Variants in ADARB2 observed in about 807,000 individuals in gnomAD.
ADARB2 encodes adenosine deaminase RNA specific B2 (inactive), also known as inactive double-stranded RNA-specific editase B2.
ADARB2 carries 25 observed loss-of-function variants against 62.2 expected under a neutral mutation model. That is an observed-to-expected ratio of 0.40 (90% CI 0.29 to 0.56). The LOEUF (loss-of-function observed/expected upper bound fraction) is 0.56. ADARB2 is among the 20% of genes least tolerant of loss of function. The pLI, the probability that ADARB2 is intolerant of heterozygous loss-of-function variation, is 0.43. For synonymous variants in ADARB2, 572 were observed against 500.8 expected (o/e 1.14, Z -1.90); for missense variants, 1,071 against 1,077.4 (o/e 0.99, Z 0.08).
chr10:1,375,045 CCTT>C (rs1162900621), intron 2 of ADARB2, among the ~76,000 whole-genome samples: 1 of 152,130 alleles, frequency 6.6e-6, no homozygotes, highest in African/African-American at 2.4e-5. Context: ...AGAAGGGCCT[CCTT>C]CAAAGACTCG....
In ADARB2 at chr10:1,390,330, G is replaced by C. The variant is rs75697020; in HGVS notation, c.101-11170C>G. Among the ~76,000 whole-genome samples, 542 of 152,342 alleles carry C rather than the reference G, an allele frequency of 3.6e-3. 2 individuals carry two copies. The highest frequency in any genetic ancestry group is 6.0e-3 in the Non-Finnish European group (410 of 68,028). ...TGTAGATTGTGGGGAAGAGGCGGAA[G>C]TGGGCTTCTGCTGCTGAAATGAAAA... On this transcript the variant is annotated intron_variant, in intron 1 of 9. Coordinates refer to ENST00000381312, the MANE Select transcript of ADARB2 (RefSeq NM_018702.4).
At chr10:1,304,924 G>A (rs1393862120) in intron 3 of ADARB2, among the ~76,000 whole-genome samples, 2 of 131,476 alleles carry the variant, frequency 1.5e-5, no homozygotes, top group Non-Finnish European at 3.3e-5. Context: ...AGAGAAAGCA[G>A]GAAAGATCCA....
At chr10:1,591,431 G>A (rs113769477) in intron 1 of ADARB2, among the ~76,000 whole-genome samples, 5 of 152,176 alleles carry the variant, frequency 3.3e-5, no homozygotes, top group Non-Finnish European at 7.3e-5. Context: ...CATTATTGGC[G>A]AATGCCTGGA....
chr10:1,458,612 G>A (rs1428844754), intron 1 of ADARB2, among the ~76,000 whole-genome samples: 2 of 152,134 alleles, frequency 1.3e-5, no homozygotes, highest in African/African-American at 4.8e-5. Context: ...CACCGCTATG[G>A]CTTCCACGGT....
At chr10:1,409,378 T>C (rs2131877732) in intron 1 of ADARB2, among the ~76,000 whole-genome samples, 1 of 152,380 alleles carries the variant, frequency 6.6e-6, no homozygotes, top group East Asian at 1.9e-4. Flanking sequence ...TGTGGCCACC[T>C]GAACCCCATC....
chr10:1,589,511 G>A (rs963061703), intron 1 of ADARB2, among the ~76,000 whole-genome samples: 1 of 152,142 alleles, frequency 6.6e-6, no homozygotes, highest in East Asian at 1.9e-4. Flanking sequence ...CACGGTCGGG[G>A]CGTCCATGGT....
intron 8 of ADARB2, chr10:1,186,497 C>T (rs1309246319): frequency 3.9e-6 from 2 of 518,978 alleles, no homozygotes; most frequent in African/African-American, 3.8e-5. Context: ...CCTGCATGGC[C>T]TCTACCTGAC....
intron 1 of ADARB2, among the ~76,000 whole-genome samples, chr10:1,499,259 C>G (rs1268757378): frequency 6.7e-6 from 1 of 148,838 alleles, no homozygotes; most frequent in East Asian, 2.2e-4. Flanking sequence ...TTCATCATTC[C>G]TCACTGCTCA....
intron 3 of ADARB2, among the ~76,000 whole-genome samples, chr10:1,353,423 T>C (rs1425668233): frequency 6.6e-6 from 1 of 152,002 alleles, no homozygotes; most frequent in African/African-American, 2.4e-5. Flanking sequence ...CCGGGCAACA[T>C]CTCTTGTCTC....
At chr10:1,717,007 T>C (rs1874989) in intron 1 of ADARB2, among the ~76,000 whole-genome samples, 67,364 of 151,904 alleles carry the variant, frequency 0.44, 16,464 homozygotes, top group African/African-American at 0.66. Context: ...CACACATTCA[T>C]GTTATTCTGA....
chr10:1,208,657 G>A (rs114858702), intron 7 of ADARB2, among the ~76,000 whole-genome samples: 2,375 of 152,340 alleles, frequency 0.016, 29 homozygotes, highest in Middle Eastern at 0.034. Context: ...ACATCAGGCC[G>A]TTTCCTCTGG....
chr10:1,473,555 A>AT (rs1831355951), intron 1 of ADARB2, among the ~76,000 whole-genome samples: 1 of 151,880 alleles, frequency 6.6e-6, no homozygotes, highest in Non-Finnish European at 1.5e-5. Flanking sequence ...TTGTTTTGGT[A>AT]TTTTTTGTAG....
chr10:1,663,318 G>C (rs1834272447), intron 1 of ADARB2, among the ~76,000 whole-genome samples: 2 of 152,094 alleles, frequency 1.3e-5, no homozygotes, highest in African/African-American at 4.8e-5. Flanking sequence ...ATTTACATCT[G>C]GGTTACTCTG....
At chr10:1,331,426 T>G (rs1319415832) in intron 3 of ADARB2, among the ~76,000 whole-genome samples, 5 of 152,140 alleles carry the variant, frequency 3.3e-5, no homozygotes, top group Non-Finnish European at 7.3e-5. Context: ...TACTCAGCTA[T>G]AAAAAGAAAT....
intron 6 of ADARB2, among the ~76,000 whole-genome samples, chr10:1,223,123 G>A (rs1290890721): frequency 6.6e-6 from 1 of 152,020 alleles, no homozygotes; most frequent in Admixed American, 6.6e-5. Context: ...CCTTGAAGAG[G>A]TCCTTCACAT....
chr10:1,723,121 C>T (rs141525357), intron 1 of ADARB2, among the ~76,000 whole-genome samples: 116 of 152,354 alleles, frequency 7.6e-4, no homozygotes, highest in Middle Eastern at 3.4e-3. Flanking sequence ...AGCGCATGCC[C>T]CTTCTCAGAA....
chr10:1,717,397 C>T (rs1192916970), intron 1 of ADARB2, among the ~76,000 whole-genome samples: 1 of 151,682 alleles, frequency 6.6e-6, no homozygotes, highest in Non-Finnish European at 1.5e-5. Flanking sequence ...TCCCTCTGCA[C>T]CCACTCCTCA....
chr10:1,678,087 A>T, intron 1 of ADARB2: 1 of 909,034 alleles, frequency 1.1e-6, no homozygotes, highest in Non-Finnish European at 1.3e-6. Flanking sequence ...TAGTGGTTTT[A>T]AAGGCCAATT....
intron 1 of ADARB2, among the ~76,000 whole-genome samples, chr10:1,726,763 G>A (rs1835170728): frequency 6.6e-6 from 1 of 152,208 alleles, no homozygotes; most frequent in Non-Finnish European, 1.5e-5. Context: ...CTGCTTGCAG[G>A]TGAGGGAGAC....
Sources: allele counts gnomAD v4.1 joint callset (sites outside exome capture counted in the v4.1 genomes callset), GRCh38; gene constraint gnomAD v4.1.1; transcripts MANE v1.5; gene names NCBI Gene and HGNC (gene_info 2026-07-23, HGNC 2026-07-21).